Variants in SET observed in about 807,000 individuals in gnomAD.
SET encodes SET nuclear proto-oncogene.
SET carries 4 observed loss-of-function variants against 39.0 expected under a neutral mutation model. The ratio of observed to expected loss-of-function variants is 0.10; its 90% CI spans 0.05 to 0.23. SET has a LOEUF of 0.23. SET is among the 10% of genes least tolerant of loss of function. SET has a pLI of 1.00. For missense variants in SET, 137 were observed against 329.7 expected, an observed-to-expected ratio of 0.42 and a Z score of 4.53; for synonymous variants, 114 against 115.9, an observed-to-expected ratio of 0.98 and a Z score of 0.11.
At chr9:128,689,132 C>T (rs1023964434), upstream of SET, 5 of 343,994 alleles carry the variant, frequency 1.5e-5, no homozygotes, top group African/African-American at 2.2e-5. Context: ...CTCATCCCGC[C>T]GCCCAGGCCA....
chr9:128,685,753 C>T (rs547147347), upstream of SET, among the ~76,000 whole-genome samples: 5 of 152,222 alleles, frequency 3.3e-5, no homozygotes, highest in African/African-American at 1.2e-4. Flanking sequence ...AGCCGGGGGC[C>T]GGGCGCGGTG....
At chr9:128,685,433 A>G (rs933579091), upstream of SET, among the ~76,000 whole-genome samples, 133 of 152,270 alleles carry the variant, frequency 8.7e-4, no homozygotes, top group Middle Eastern at 3.4e-3. Flanking sequence ...CAGGACTGGA[A>G]GGGATGGAAA....
At chr9:128,690,122 GC>G in intron 1 of SET, 1 of 251,840 alleles carries the variant, frequency 4.0e-6, no homozygotes, top group Non-Finnish European at 6.3e-6. Flanking sequence ...CCAGAGGCTG[GC>G]CCCGGCGGGG....
At chr9:128,692,311 C>T (rs1043194846) in intron 3 of SET, 19 of 258,922 alleles carry the variant, frequency 7.3e-5, no homozygotes, top group East Asian at 8.4e-5. Flanking sequence ...GCAGGAGAAT[C>T]GCTTGAACCC....
At chr9:128,686,357 A>T (rs1391397293), upstream of SET, among the ~76,000 whole-genome samples, 1 of 152,152 alleles carries the variant, frequency 6.6e-6, no homozygotes, top group Non-Finnish European at 1.5e-5. Flanking sequence ...GGAACCTGAA[A>T]GCCCACTCCC....
upstream of SET, among the ~76,000 whole-genome samples, chr9:128,686,561 G>C (rs1351521827): frequency 6.6e-6 from 1 of 152,124 alleles, no homozygotes; most frequent in East Asian, 1.9e-4. Context: ...CAATTTGGTG[G>C]GGTGTGACCT....
At chr9:128,689,881 C>CG (rs1861450504) in intron 1 of SET, 1 of 187,604 alleles carries the variant, frequency 5.3e-6, no homozygotes, top group Non-Finnish European at 9.6e-6. Context: ...GGGGGCGCTG[C>CG]GGCCTGCTCG....
chr9:128,689,358 C>G lies in SET; in HGVS notation c.-225C>G. ...CGCCTCCCCTCCGCGAACAGGAGCC[C>G]GGGCCGGGGCCCGGCACGCCGCCCC... On this transcript the variant is annotated 5_prime_UTR_variant, in exon 1 of 8. Coordinates refer to ENST00000322030, the MANE Select transcript of SET (RefSeq NM_003011.4). 9.8e-7 allele frequency: 1 copy of G among 1,023,544 alleles called. No homozygotes were observed. The highest frequency in any genetic ancestry group is 1.2e-6 in the Non-Finnish European group (1 of 848,060). 63.4% of individuals were successfully genotyped at this position (1,023,544 alleles called of 1,614,324 possible). A position where few individuals can be genotyped will look rare whatever the true frequency, so the allele number is the denominator to read the frequency against.
rs764082920 is a variant in SET at position 128,693,655 on chromosome 9, G to C, written c.510G>C (p.Ser170=). The change falls in exon 6 of 8, where the codon TCG becomes TCC. Residue 170 remains serine (S), a synonymous_variant. Coordinates refer to ENST00000322030, the MANE Select transcript of SET (RefSeq NM_003011.4). ...TCATTTAGGATTTGACGAAACGTTC[G>C]AGTCAAACGCAGAATAAAGCCAGCA... ...WKSGKDLTKR[S]SQTQNKASRK... 2 of 1,612,030 alleles carry C rather than the reference G, an allele frequency of 1.2e-6. No individual in the cohort carries two copies. Among genetic ancestry groups the C allele is most frequent in the Admixed American group, 3.4e-5 (2 of 59,444 alleles).
In SET at chr9:128,695,215, T is replaced by G. The variant is rs1486537350; in HGVS notation, c.*551T>G. 4.5e-6 allele frequency: 1 copy of G among 221,046 alleles called. No individual in the cohort carries two copies. The highest frequency in any genetic ancestry group is 6.4e-5 in the East Asian group (1 of 15,668). 13.7% of individuals were successfully genotyped at this position (221,046 alleles called of 1,614,324 possible). ...AAAGGGTGGGTTTGAGATGTTTGGG[T>G]GGGTTAAGTGGGCATTTTGACAACA... On this transcript the variant is annotated 3_prime_UTR_variant, in exon 8 of 8. Transcript: ENST00000322030.
intron 3 of SET, chr9:128,692,219 T>C (rs960987599): frequency 1.8e-5 from 8 of 447,072 alleles, no homozygotes; most frequent in African/African-American, 1.0e-4. Context: ...AAACCCCGTC[T>C]CTACTAAAAA....
chr9:128,689,173 G>A, upstream of SET: 1 of 760,240 alleles, frequency 1.3e-6, no homozygotes, highest in Non-Finnish European at 1.6e-6. Flanking sequence ...TCCCCGGCCG[G>A]AGGCGGAGCA....
intron 2 of SET, among the ~76,000 whole-genome samples, 196 bp from the exon 3 acceptor site, chr9:128,691,662 T>TA (rs1861539711): frequency 1.3e-5 from 2 of 152,344 alleles, no homozygotes; most frequent in Non-Finnish European, 2.9e-5. Context: ...TAACAGTCAT[T>TA]ATTACTCAGT....
At chr9:128,687,862 T>A (rs919179155), upstream of SET, among the ~76,000 whole-genome samples, 8 of 152,172 alleles carry the variant, frequency 5.3e-5, no homozygotes, top group Admixed American at 1.3e-4. Context: ...AGTGTTGGGA[T>A]AACAGGAGTG....
In SET at chr9:128,693,664, G is replaced by A. The variant is rs576392697; in HGVS notation, c.519G>A (p.Thr173=). ...GKDLTKRSSQ[T]QNKASRKRQH... Reference sequence around the variant, plus strand: ...ATTTGACGAAACGTTCGAGTCAAACGCAGAATAAAGCCAGCAGGAAGAGGC... The same window carrying A: ...ATTTGACGAAACGTTCGAGTCAAACACAGAATAAAGCCAGCAGGAAGAGGC... The change falls in exon 6 of 8, where the codon ACG becomes ACA. Residue 173 remains threonine, a synonymous_variant. Transcript: ENST00000322030. 5.6e-6 allele frequency: 9 copies of A among 1,612,690 alleles called. No homozygotes were observed. The highest frequency in any genetic ancestry group is 2.7e-5 in the African/African-American group (2 of 74,940).
At position 128,689,328 on chromosome 9, in the gene SET, G is replaced by A; in HGVS notation, c.-255G>A. On this transcript the variant is annotated 5_prime_UTR_variant, in exon 1 of 8. Transcript: ENST00000322030. ...GGGAGCCGAGCCGCCCGCCGCCGCC[G>A]CCTCCGCCTCCCCTCCGCGAACAGG... is the stretch of plus-strand genomic sequence containing the variant. The A allele has an allele frequency of 8.7e-6, 9 of 1,031,992 alleles. No individual in the cohort carries two copies. The highest frequency in any genetic ancestry group is 1.0e-5 in the Non-Finnish European group (9 of 858,766). The allele number at this position is 1,031,992 out of a possible 1,614,324, so 63.9% of individuals were successfully genotyped here. A position where few individuals can be genotyped will look rare whatever the true frequency, so the allele number is the denominator to read the frequency against.
chr9:128,688,717 C>T (rs941895254), upstream of SET, among the ~76,000 whole-genome samples: 6 of 152,282 alleles, frequency 3.9e-5, no homozygotes, highest in East Asian at 1.2e-3. Flanking sequence ...CAGCCTGGGG[C>T]TTCGCACACG....
chr9:128,691,744 A>G (rs1247066988), intron 2 of SET, 114 bp from the exon 3 acceptor site: 1 of 1,002,962 alleles, frequency 1.0e-6, no homozygotes, highest in Non-Finnish European at 1.4e-6. Context: ...TGGTTATTAT[A>G]ATTTGGTTAT....
Position 128,693,927 on chromosome 9 carries a change from GAGA to G in SET, c.702_704del (p.Glu234del), listed in dbSNP as rs768750318. 258 of 1,585,632 alleles carry G rather than the reference GAGA, an allele frequency of 1.6e-4. No individual in the cohort carries two copies. The highest frequency in any genetic ancestry group is 4.2e-4 in the African/African-American group (31 of 74,096). ...GATATGGATGATGAAGAAGGAGAAG[GAGA>G]AGAAGATGATGATGATGATGAAGAG... On this transcript the variant is annotated inframe_deletion, in exon 7 of 8. Transcript: ENST00000322030.
Sources: allele counts gnomAD v4.1 joint callset (sites outside exome capture counted in the v4.1 genomes callset), GRCh38; gene constraint gnomAD v4.1.1; transcripts MANE v1.5; gene names NCBI Gene and HGNC (gene_info 2026-07-23, HGNC 2026-07-21).